The following ASIC5 variants were observed in gnomAD, a reference collection of about 807,000 sequenced individuals.
ASIC5 encodes the protein bile acid-sensitive ion channel.
A neutral mutation model predicts 51.2 loss-of-function variants in ASIC5; 52 were observed. The ratio of observed to expected loss-of-function variants is 1.02; its 90% confidence interval spans 0.81 to 1.28. The LOEUF (loss-of-function observed/expected upper bound fraction) is 1.28. Ranked by LOEUF, ASIC5 falls within the 50% of genes most tolerant of loss-of-function variation. The pLI is 0.00. For synonymous variants in ASIC5, 231 were observed against 200.7 expected (o/e 1.15, Z -1.28); for missense variants, 635 against 595.0 (o/e 1.07, Z -0.70).
chr4:155,858,277 T>G (rs1480331362), intron 2 of ASIC5, among the ~76,000 whole-genome samples: 1 of 152,112 alleles, frequency 6.6e-6, no homozygotes, highest in Non-Finnish European at 1.5e-5. Context: ...AATTGTATTC[T>G]TAGGAGTTTG....
At chr4:155,862,738 A>G (rs1741744622) in intron 2 of ASIC5, among the ~76,000 whole-genome samples, 1 of 152,082 alleles carries the variant, frequency 6.6e-6, no homozygotes, top group Non-Finnish European at 1.5e-5. Flanking sequence ...CTGATCACAG[A>G]CCCGTGGAGC....
intron 4 of ASIC5, among the ~76,000 whole-genome samples, chr4:155,845,355 GT>G (rs71600396): frequency 7.6e-5 from 11 of 144,866 alleles, no homozygotes; most frequent in South Asian, 2.1e-4. Flanking sequence ...GTTTTTGTGG[GT>G]TTTTTTTTTG....
chr4:155,837,837 C>T (rs552034268), intron 7 of ASIC5, among the ~76,000 whole-genome samples: 1 of 151,918 alleles, frequency 6.6e-6, no homozygotes, highest in Non-Finnish European at 1.5e-5. Context: ...ACATAATACT[C>T]TCTCACACAC....
chr4:155,833,740 TGA>T (rs1286335493), intron 8 of ASIC5, among the ~76,000 whole-genome samples: 1 of 152,214 alleles, frequency 6.6e-6, no homozygotes, highest in Non-Finnish European at 1.5e-5. Flanking sequence ...CCTGTGATTT[TGA>T]GAGAAGATAA....
Position 155,830,074 on chromosome 4 carries a change from G to A in ASIC5, c.1328-28C>T, listed in dbSNP as rs201433440. 1,365 of 1,416,004 alleles carry A rather than the reference G, an allele frequency of 9.6e-4. 2 individuals carry two copies. The highest frequency in any genetic ancestry group is 1.2e-3 in the Non-Finnish European group (1,230 of 1,065,774). The allele number at this position is 1,416,004 out of a possible 1,614,324, so 87.7% of individuals were successfully genotyped here. A position where few individuals can be genotyped will look rare whatever the true frequency, so the allele number is the denominator to read the frequency against. On this transcript the variant is annotated intron_variant, in intron 9 of 9. Coordinates refer to ENST00000537611, the MANE Select transcript of ASIC5 (RefSeq NM_017419.3). ...GTAATAAAACCAATAAAGATTGAAT[G>A]TCATTATTTTTCATAAAAAACAAAT... is the stretch of plus-strand genomic sequence containing the variant.
At chr4:155,835,539 A>G (rs1740959718) in intron 8 of ASIC5, among the ~76,000 whole-genome samples, 1 of 152,202 alleles carries the variant, frequency 6.6e-6, no homozygotes, top group African/African-American at 2.4e-5. Context: ...TTAAGTAATT[A>G]TGAAACTCAG....
chr4:155,843,909 A>G, intron 4 of ASIC5, 79 bp from the exon 5 acceptor site: 1 of 1,300,654 alleles, frequency 7.7e-7, no homozygotes, highest in Non-Finnish European at 1.1e-6. Flanking sequence ...TAGTTTTATC[A>G]TCTCATGATA....
intron 6 of ASIC5, 137 bp downstream of exon 6, chr4:155,842,070 C>G: frequency 1.3e-6 from 1 of 799,896 alleles, no homozygotes; most frequent in East Asian, 2.7e-5. Context: ...AATGGGTCAG[C>G]AACATCTGTA....
At chr4:155,842,063 G>T in intron 6 of ASIC5, 144 bp downstream of exon 6, 2 of 692,426 alleles carry the variant, frequency 2.9e-6, no homozygotes, top group East Asian at 2.8e-5. Flanking sequence ...TTCTGTGAAT[G>T]GGTCAGCAAC....
At chr4:155,849,289 G>A (rs1741324765) in intron 4 of ASIC5, among the ~76,000 whole-genome samples, 1 of 152,040 alleles carries the variant, frequency 6.6e-6, no homozygotes, top group African/African-American at 2.4e-5. Context: ...GGAACCTCGA[G>A]TGGCGAGGAG....
At chr4:155,836,472 C>A (rs1327429247) in intron 8 of ASIC5, among the ~76,000 whole-genome samples, 1 of 152,136 alleles carries the variant, frequency 6.6e-6, no homozygotes, top group Non-Finnish European at 1.5e-5. Context: ...GTTACTCAAG[C>A]AAGCATCATT....
intron 4 of ASIC5, among the ~76,000 whole-genome samples, chr4:155,846,411 G>A (rs1741243029): frequency 6.6e-6 from 1 of 152,078 alleles, no homozygotes; most frequent in Non-Finnish European, 1.5e-5. Context: ...GAAAATAGCT[G>A]CATCTTAAAT....
chr4:155,829,937 C>CA lies in ASIC5; in HGVS notation c.1436dup (p.Leu479PhefsTer6), dbSNP rs1397171418. 6.2e-7 allele frequency: 1 copy of CA among 1,606,138 alleles called. No individual in the cohort carries two copies. The highest frequency in any genetic ancestry group is 8.5e-7 in the Non-Finnish European group (1 of 1,176,730). On this transcript the variant is annotated frameshift_variant, in exon 10 of 10. Transcript: ENST00000537611. LOFTEE classifies it low-confidence loss of function (END_TRUNC). ...ACTGGGTCATTTCAGATATCTTCAGCAAAAAGAAAATGCATATCCAGTAGA... is the reference window on the plus strand; with the variant it reads ...ACTGGGTCATTTCAGATATCTTCAGCAAAAAAGAAAATGCATATCCAGTAGA...
chr4:155,858,807 T>A (rs1003565872), intron 2 of ASIC5: 4 of 152,088 alleles, frequency 2.6e-5, no homozygotes, highest in African/African-American at 9.7e-5. Context: ...TAGTCAACTA[T>A]GTGTTTGTCT....
At position 155,863,494 on chromosome 4, in the gene ASIC5, C is replaced by T; in HGVS notation, c.301G>A (p.Val101Met). 1 of 1,613,676 alleles carries T rather than the reference C, an allele frequency of 6.2e-7. No homozygotes were observed. Among genetic ancestry groups the T allele is most frequent in the East Asian group, 2.2e-5 (1 of 44,858 alleles). The change falls in exon 2 of 10, where the codon GTG becomes ATG. Residue 101 changes from valine (V) to methionine (M), a missense_variant. Physicochemically the swap from Val to Met is conservative, Grantham distance 21. Transcript: ENST00000537611. The part of the protein sequence containing the change: ...PTTTSIEVQY[V>M]EKMEFPAVTF... ...ACAGCTGGGAACTCCATCTTTTCCA[C>T]ATATTGAACCTCAATGGACGTTGTG...
At chr4:155,840,173 T>C (rs1461056216) in intron 6 of ASIC5, among the ~76,000 whole-genome samples, 1 of 152,038 alleles carries the variant, frequency 6.6e-6, no homozygotes, top group African/African-American at 2.4e-5. Flanking sequence ...GGTTTAATAA[T>C]CATAACTTTT....
chr4:155,849,723 T>C lies in ASIC5; in HGVS notation c.711+2468A>G, dbSNP rs113056166. 2.6e-3 allele frequency among the ~76,000 whole-genome samples: 388 copies of C among 152,134 alleles called. 3 individuals carry two copies. The highest frequency in any genetic ancestry group is 8.8e-3 in the African/African-American group (367 of 41,554). On this transcript the variant is annotated intron_variant, in intron 4 of 9. Coordinates refer to ENST00000537611, the MANE Select transcript of ASIC5 (RefSeq NM_017419.3). Reference sequence around the variant, plus strand: ...ATGTTTTCAATTTTTTTCTTTTTTTTCCCCCATATTTCCTAATTTGGAGTC... The same window carrying C: ...ATGTTTTCAATTTTTTTCTTTTTTTCCCCCCATATTTCCTAATTTGGAGTC...
At position 155,866,159 on chromosome 4, in the gene ASIC5, T is replaced by C. The variant is rs193268499; in HGVS notation, c.40+28A>G. 1,287 of 1,446,806 alleles carry C rather than the reference T, an allele frequency of 8.9e-4. 9 individuals carry two copies. The African/African-American group carries it at 0.016, about 18-fold the overall frequency. 89.6% of individuals were successfully genotyped at this position (1,446,806 alleles called of 1,614,324 possible). ...GGCCTCTAGAAATGAAAAATATTAC[T>C]GCTCTGAGGAGTTCACTCTTTACTC... On this transcript the variant is annotated intron_variant, in intron 1 of 9. Transcript: ENST00000537611.
chr4:155,835,965 A>G (rs75882248), intron 8 of ASIC5, among the ~76,000 whole-genome samples: 9,464 of 152,310 alleles, frequency 0.062, 988 homozygotes, highest in African/African-American at 0.22. Context: ...AGATATAACT[A>G]CAAATACCAA....
Sources: allele counts gnomAD v4.1 joint callset (sites outside exome capture counted in the v4.1 genomes callset), GRCh38; gene constraint gnomAD v4.1.1; transcripts MANE v1.5; gene names NCBI Gene and HGNC (gene_info 2026-07-23, HGNC 2026-07-21).